Variants in DYNLL2 observed in about 807,000 individuals in gnomAD.
The protein encoded by DYNLL2 is dynein light chain 2, cytoplasmic.
A neutral mutation model predicts 9.7 loss-of-function variants in DYNLL2; 1 was observed. That is an observed-to-expected ratio of 0.10 (90% CI 0.04 to 0.49). The LOEUF is 0.49. DYNLL2 is among the 20% of genes least tolerant of loss of function. The probability of loss-of-function intolerance (pLI) is 0.95; values close to 1 mark genes in which losing one functional copy is unlikely to be tolerated. For missense variants in DYNLL2, 37 were observed against 115.2 expected, an observed-to-expected ratio of 0.32 and a Z score of 3.11; for synonymous variants, 35 against 40.5, an observed-to-expected ratio of 0.86 and a Z score of 0.52.
Position 58,090,232 on chromosome 17 carries a change from A to T in DYNLL2, c.*953A>T. The T allele has an allele frequency of 7.5e-5, 16 of 213,186 alleles. No homozygotes were observed. The highest frequency in any genetic ancestry group is 1.5e-3 in the Middle Eastern group (1 of 666). 13.2% of individuals were successfully genotyped at this position (213,186 alleles called of 1,614,324 possible). ...GACTCTTCTGTGTATATGTGTGAAT[A>T]TGTGTGTATATGTGTGTGTATGTGT... On this transcript the variant is annotated 3_prime_UTR_variant, in exon 3 of 3. Coordinates refer to ENST00000579991, the MANE Select transcript of DYNLL2 (RefSeq NM_080677.3).
Position 58,089,321 on chromosome 17 carries a change from A to G in DYNLL2, c.*42A>G, listed in dbSNP as rs369484056. ...TGTCAGTGGCGGCGGCAGCGATGGC[A>G]AGCAGGCGGCGTTGCTGGGACTGTT... On this transcript the variant is annotated 3_prime_UTR_variant, in exon 3 of 3. Coordinates refer to ENST00000579991, the MANE Select transcript of DYNLL2 (RefSeq NM_080677.3). 8 of 1,605,822 alleles carry G rather than the reference A, an allele frequency of 5.0e-6. No individual in the cohort carries two copies. The African/African-American group carries it at 1.1e-4, about 22-fold the overall frequency.
At chr17:58,085,293 T>C (rs765674816) in intron 1 of DYNLL2, among the ~76,000 whole-genome samples, 1 of 152,148 alleles carries the variant, frequency 6.6e-6, no homozygotes, top group Non-Finnish European at 1.5e-5. Context: ...ATGTGTGCAT[T>C]CTCTGCATGT....
chr17:58,084,638 T>C (rs978900885), intron 1 of DYNLL2, among the ~76,000 whole-genome samples: 2 of 152,188 alleles, frequency 1.3e-5, no homozygotes, highest in African/African-American at 4.8e-5. Flanking sequence ...TGGGGGGCCA[T>C]TGTAGTCGTA....
At position 58,089,174 on chromosome 17, in the gene DYNLL2, T is replaced by C. The variant is rs762183088; in HGVS notation, c.165T>C (p.His55=). 5.0e-6 allele frequency: 8 copies of C among 1,614,024 alleles called. No homozygotes were observed. Among genetic ancestry groups the C allele is most frequent in the African/African-American group, 1.3e-5 (1 of 74,934 alleles). ...ACAAGAAATATAACCCTACCTGGCA[T>C]TGTATCGTGGGCCGAAATTTTGGCA... ...EFDKKYNPTW[H]CIVGRNFGSY... is the part of the protein sequence containing the mutation. Residue 55 remains histidine (H), a synonymous_variant, in exon 3 of 3, where the codon CAT becomes CAC. Coordinates refer to ENST00000579991, the MANE Select transcript of DYNLL2 (RefSeq NM_080677.3).
In DYNLL2 at chr17:58,087,120, C is replaced by T. The variant is rs148293426; in HGVS notation, c.30C>T (p.Asn10=). 77 of 1,614,202 alleles carry T rather than the reference C, an allele frequency of 4.8e-5. No homozygotes were observed. The highest frequency in any genetic ancestry group is 2.9e-4 in the East Asian group (13 of 44,886). Residue 10 remains asparagine, a synonymous_variant, in exon 2 of 3, where the codon AAC becomes AAT. Coordinates refer to ENST00000579991, the MANE Select transcript of DYNLL2 (RefSeq NM_080677.3). MSDRKAVIK[N]ADMSEDMQQD... is the part of the protein sequence containing the mutation. ...CTGACCGGAAGGCAGTGATCAAGAA[C>T]GCAGACATGTCTGAGGACATGCAAC...
In DYNLL2 at chr17:58,089,240, C is replaced by T; in HGVS notation, c.231C>T (p.Tyr77=). 2.5e-6 allele frequency: 4 copies of T among 1,614,072 alleles called. No individual in the cohort carries two copies. Among genetic ancestry groups the T allele is most frequent in the Non-Finnish European group, 2.5e-6 (3 of 1,180,008 alleles). The change falls in exon 3 of 3, where the codon TAC becomes TAT. Residue 77 remains tyrosine (Y), a synonymous_variant. Transcript: ENST00000579991. The stretch of plus-strand genomic sequence containing the variant: ...AGACAAAGCACTTCATCTATTTTTA[C>T]TTGGGTCAAGTTGCAATCCTCCTCT... The part of the protein sequence containing the change: ...THETKHFIYF[Y]LGQVAILLFK...
Position 58,089,672 on chromosome 17 carries a change from G to C in DYNLL2, c.*393G>C, listed in dbSNP as rs1328248329. Reference sequence around the variant, plus strand: ...TCTCTGGAGGTGGAACTAAAACTGTGCAGCTGCCTCTTCCTGGCGGTGGAT... The same window carrying C: ...TCTCTGGAGGTGGAACTAAAACTGTCCAGCTGCCTCTTCCTGGCGGTGGAT... On this transcript the variant is annotated 3_prime_UTR_variant, in exon 3 of 3. Coordinates refer to ENST00000579991, the MANE Select transcript of DYNLL2 (RefSeq NM_080677.3). The C allele has an allele frequency of 9.7e-6, 4 of 410,508 alleles. No homozygotes were observed. The highest frequency in any genetic ancestry group is 1.7e-5 in the Non-Finnish European group (4 of 235,526). 25.4% of individuals were successfully genotyped at this position (410,508 alleles called of 1,614,324 possible).
rs9906714 is a variant in DYNLL2 at position 58,084,459 on chromosome 17, C to T, written c.-10+776C>T. Among the ~76,000 whole-genome samples the T allele has an allele frequency of 9.4e-4, 143 of 152,244 alleles. 2 individuals are homozygous for T. Among genetic ancestry groups the T allele is most frequent in the African/African-American group, 3.4e-3 (140 of 41,550 alleles). ...TTTTCACAGGAGCCTTGGCTCGTGA[C>T]TGAGGCTGCTGGCCTGGGGCCCTCT... On this transcript the variant is annotated intron_variant, in intron 1 of 2. Coordinates refer to ENST00000579991, the MANE Select transcript of DYNLL2 (RefSeq NM_080677.3).
At chr17:58,088,092 CT>C (rs1301566377) in intron 2 of DYNLL2, among the ~76,000 whole-genome samples, 1 of 8,130 alleles carries the variant, frequency 1.2e-4, no homozygotes, top group Admixed American at 1.6e-3. Flanking sequence ...TCCTGAGGGA[CT>C]TTTTTGGGTG....
chr17:58,089,344 GTT>G lies in DYNLL2; in HGVS notation c.*68_*69del, dbSNP rs1050682461. 1 of 1,583,050 alleles carries G rather than the reference GTT, an allele frequency of 6.3e-7. No homozygotes were observed. The highest frequency in any genetic ancestry group is 8.6e-7 in the Non-Finnish European group (1 of 1,161,448). ...GCAAGCAGGCGGCGTTGCTGGGACT[GTT>G]TTGCACTGGAGCCAGCATCAGGATG... On this transcript the variant is annotated 3_prime_UTR_variant, in exon 3 of 3. Coordinates refer to ENST00000579991, the MANE Select transcript of DYNLL2 (RefSeq NM_080677.3).
At position 58,089,317 on chromosome 17, in the gene DYNLL2, T is replaced by C. The variant is rs371611185; in HGVS notation, c.*38T>C. 207 of 1,606,524 alleles carry C rather than the reference T, an allele frequency of 1.3e-4. No individual in the cohort carries two copies. The highest frequency in any genetic ancestry group is 1.6e-4 in the Non-Finnish European group (194 of 1,175,790). The stretch of plus-strand genomic sequence containing the variant: ...AAGGTGTCAGTGGCGGCGGCAGCGA[T>C]GGCAAGCAGGCGGCGTTGCTGGGAC... On this transcript the variant is annotated 3_prime_UTR_variant, in exon 3 of 3. Coordinates refer to ENST00000579991, the MANE Select transcript of DYNLL2 (RefSeq NM_080677.3).
intron 1 of DYNLL2, among the ~76,000 whole-genome samples, chr17:58,086,482 C>T (rs992192781): frequency 6.6e-6 from 1 of 152,166 alleles, no homozygotes. Flanking sequence ...AGAGAGCTAT[C>T]CTCACCTGCT....
rs929514605 is a variant in DYNLL2 at position 58,091,130 on chromosome 17, T to G, written c.*1851T>G. 2.0e-5 allele frequency: 3 copies of G among 152,088 alleles called. No homozygotes were observed. 9.4% of individuals were successfully genotyped at this position (152,088 alleles called of 1,614,324 possible). ...TGAAAGTGTCTGGTTTGTGTTCATCTCTCCCTCATTTCTGGAGCAGGGCCT... is the reference window on the plus strand; with the variant it reads ...TGAAAGTGTCTGGTTTGTGTTCATCGCTCCCTCATTTCTGGAGCAGGGCCT... On this transcript the variant is annotated 3_prime_UTR_variant, in exon 3 of 3. Transcript: ENST00000579991.
At position 58,093,426 on chromosome 17, in the gene DYNLL2, G is replaced by C. The variant is rs576431715; in HGVS notation, c.*4147G>C. On this transcript the variant is annotated 3_prime_UTR_variant, in exon 3 of 3. Coordinates refer to ENST00000579991, the MANE Select transcript of DYNLL2 (RefSeq NM_080677.3). ...CTGAAACCTGAGAGCGCCCCCCTGA[G>C]CTAGACTCAGTAATCATTAGACACA... 19 of 152,320 alleles carry C rather than the reference G, an allele frequency of 1.2e-4. No homozygotes were observed. In the South Asian group the frequency reaches 3.7e-3, roughly 30 times the overall value. 9.4% of individuals were successfully genotyped at this position (152,320 alleles called of 1,614,324 possible).
rs1483844907 is a variant in DYNLL2 at position 58,095,489 on chromosome 17, C to T, written c.*6210C>T. ...CAGTTAATGTTATGAGATTTTGTGT[C>T]TCCTTTTAGACACAGTTAATAATGA... On this transcript the variant is annotated 3_prime_UTR_variant, in exon 3 of 3. Coordinates refer to ENST00000579991, the MANE Select transcript of DYNLL2 (RefSeq NM_080677.3). 6.6e-6 allele frequency: 1 copy of T among 152,204 alleles called. No individual in the cohort carries two copies. The highest frequency in any genetic ancestry group is 1.5e-5 in the Non-Finnish European group (1 of 68,038). The allele number at this position is 152,204 out of a possible 1,614,324, so 9.4% of individuals were successfully genotyped here.
chr17:58,088,914 C>T (rs911439637), intron 2 of DYNLL2, among the ~76,000 whole-genome samples: 21 of 151,852 alleles, frequency 1.4e-4, no homozygotes, highest in African/African-American at 3.6e-4. Context: ...TCAGGGGAGA[C>T]GAATAATGGA....
Position 58,092,526 on chromosome 17 carries a change from C to T in DYNLL2, c.*3247C>T, listed in dbSNP as rs371817047. ...GCAGATGGAAATTGTGGAATTCTCT[C>T]GGAACAATGCAGCCATTATTAGAAC... is the stretch of plus-strand genomic sequence containing the variant. On this transcript the variant is annotated 3_prime_UTR_variant, in exon 3 of 3. Coordinates refer to ENST00000579991, the MANE Select transcript of DYNLL2 (RefSeq NM_080677.3). 4 of 152,188 alleles carry T rather than the reference C, an allele frequency of 2.6e-5. No homozygotes were observed. The highest frequency in any genetic ancestry group is 4.1e-4 in the South Asian group (2 of 4,828). 9.4% of individuals were successfully genotyped at this position (152,188 alleles called of 1,614,324 possible). A position where few individuals can be genotyped will look rare whatever the true frequency, so the allele number is the denominator to read the frequency against.
chr17:58,089,531 C>T lies in DYNLL2; in HGVS notation c.*252C>T. 2.0e-6 allele frequency: 1 copy of T among 496,332 alleles called. No homozygotes were observed. Among genetic ancestry groups the T allele is most frequent in the East Asian group, 3.4e-5 (1 of 29,684 alleles). The allele number at this position is 496,332 out of a possible 1,614,324, so 30.7% of individuals were successfully genotyped here. Reference sequence around the variant, plus strand: ...TTAAAAATATTTTTTGGTTGTATTGCACTAGGAAATCTCTCCCACCTCTCC... The same window carrying T: ...TTAAAAATATTTTTTGGTTGTATTGTACTAGGAAATCTCTCCCACCTCTCC... On this transcript the variant is annotated 3_prime_UTR_variant, in exon 3 of 3. Transcript: ENST00000579991.
rs904718097 is a variant in DYNLL2 at position 58,090,570 on chromosome 17, T to G, written c.*1291T>G. 1 of 152,314 alleles carries G rather than the reference T, an allele frequency of 6.6e-6. No homozygotes were observed. The highest frequency in any genetic ancestry group is 2.4e-5 in the African/African-American group (1 of 41,308). The allele number at this position is 152,314 out of a possible 1,614,324, so 9.4% of individuals were successfully genotyped here. A position where few individuals can be genotyped will look rare whatever the true frequency, so the allele number is the denominator to read the frequency against. ...ACAGTGACTGTGGATGGTTGCAGTC[T>G]CTGGTGGGAGGTGAGGATAGAAGTG... On this transcript the variant is annotated 3_prime_UTR_variant, in exon 3 of 3. Transcript: ENST00000579991.
Sources: gnomAD v4.1 joint callset for allele counts (sites outside exome capture counted in the v4.1 genomes callset) on GRCh38, gnomAD v4.1.1 for gene constraint, MANE v1.5 for transcripts, NCBI Gene and HGNC (gene_info 2026-07-23, HGNC 2026-07-21) for gene names.